Variants in AP4E1 observed in about 807,000 individuals in gnomAD.
The protein encoded by AP4E1 is adaptor related protein complex 4 subunit epsilon 1, also known as AP-4 complex subunit epsilon-1.
AP4E1 carries 56 observed loss-of-function variants against 128.2 expected under a neutral mutation model. The observed-to-expected ratio is 0.44, with a 90% CI of 0.35 to 0.55. The LOEUF (loss-of-function observed/expected upper bound fraction) is 0.55. Among genes scored for constraint, AP4E1 ranks in the 20% least tolerant of loss-of-function variants. The pLI is 0.00. For synonymous variants in AP4E1, 484 were observed against 473.1 expected (o/e 1.02, Z -0.30); for missense variants, 1,324 against 1,307.7 (o/e 1.01, Z -0.19).
chr15:50,915,744 T>C (rs2063622665), intron 3 of AP4E1, 173 bp downstream of exon 3: 1 of 763,448 alleles, frequency 1.3e-6, no homozygotes, highest in Admixed American at 2.9e-5. Flanking sequence ...GGAAATCAGT[T>C]TTCCTGATGC....
At position 50,993,536 on chromosome 15, in the gene AP4E1, G is replaced by T; in HGVS notation, c.2257G>T (p.Val753Phe). The change falls in exon 17 of 21, where the codon GTT becomes TTT. Residue 753 changes from valine (V) to phenylalanine (F), a missense_variant. Coordinates refer to ENST00000261842, the MANE Select transcript of AP4E1 (RefSeq NM_007347.5). Reference protein sequence around the residue: ...QAITKKDQSQVLTQSKEEKEK... With the variant: ...QAITKKDQSQFLTQSKEEKEK... ...TATAACTAAAAAGGATCAATCTCAAGTTCTTACCCAATCTAAAGAGGAGAA... is the reference window on the plus strand; with the variant it reads ...TATAACTAAAAAGGATCAATCTCAATTTCTTACCCAATCTAAAGAGGAGAA... 6.2e-7 allele frequency: 1 copy of T among 1,613,964 alleles called. No individual in the cohort carries two copies. Among genetic ancestry groups the T allele is most frequent in the Admixed American group, 1.7e-5 (1 of 60,000 alleles).
At chr15:50,983,616 G>A (rs2064672779) in intron 15 of AP4E1, among the ~76,000 whole-genome samples, 1 of 152,096 alleles carries the variant, frequency 6.6e-6, no homozygotes, top group Non-Finnish European at 1.5e-5. Context: ...CAATCCATTT[G>A]GTACGAGAAT....
At chr15:50,908,240 A>AGTCGCCAGGGCCGGAGCCGCGCGC (rs1197955852), upstream of AP4E1, among the ~76,000 whole-genome samples, 314 of 152,266 alleles carry the variant, frequency 2.1e-3, 2 homozygotes, top group African/African-American at 7.3e-3. Context: ...GTGTCCCAAG[A>AGTCGCCAGGGCCGGAGCCGCGCGC]GTCGCCAGGG....
Position 50,999,180 on chromosome 15 carries a change from G to C in AP4E1, c.3013G>C (p.Gly1005Arg). The C allele has an allele frequency of 6.2e-7, 1 of 1,613,602 alleles. No individual in the cohort carries two copies. Among genetic ancestry groups the C allele is most frequent in the Non-Finnish European group, 8.5e-7 (1 of 1,179,794 alleles). Residue 1005 changes from glycine to arginine, a missense_variant, in exon 19 of 21, where the codon GGT becomes CGT. Transcript: ENST00000261842. Reference protein sequence around the residue: ...EKPFTEGNLTGFISYHMMDTH... With the variant: ...EKPFTEGNLTRFISYHMMDTH... ...ACCTTTTACAGAAGGAAATCTTACT[G>C]GTTTTATTAGTTATCATATGATGGA... is the stretch of plus-strand genomic sequence containing the variant.
chr15:50,962,889 C>CAAAAAAAAAAAAA lies in AP4E1; in HGVS notation c.1851+4110_1851+4122dup, dbSNP rs71127168. On this transcript the variant is annotated intron_variant, in intron 14 of 20. Transcript: ENST00000261842. ...ATATATAAGGAACTCAATTCAACAG[C>CAAAAAAAAAAAAA]AAAAAAAAAAAAAAAAAAAAAAAAA... Among the ~76,000 whole-genome samples the CAAAAAAAAAAAAA allele has an allele frequency of 5.2e-4, 20 of 38,716 alleles. 2 individuals carry two copies. Among genetic ancestry groups the CAAAAAAAAAAAAA allele is most frequent in the African/African-American group, 2.2e-3 (19 of 8,726 alleles). The allele number at this position is 38,716 out of a possible 152,430, so 25.4% of individuals were successfully genotyped here. A position where few individuals can be genotyped will look rare whatever the true frequency, so the allele number is the denominator to read the frequency against.
chr15:50,993,330 GTTAT>G (rs1373166252), intron 16 of AP4E1, 36 bp from the exon 17 acceptor site: 1 of 1,610,268 alleles, frequency 6.2e-7, no homozygotes, highest in Non-Finnish European at 8.5e-7. Context: ...ACTATTAGCA[GTTAT>G]TTAAGTTGAC....
chr15:50,943,606 G>A (rs1018962524), intron 10 of AP4E1, among the ~76,000 whole-genome samples: 1 of 152,082 alleles, frequency 6.6e-6, no homozygotes. Context: ...TTGTATAGTT[G>A]AGTACTAAGT....
At chr15:50,943,345 T>C (rs911212135) in intron 10 of AP4E1, among the ~76,000 whole-genome samples, 1 of 152,180 alleles carries the variant, frequency 6.6e-6, no homozygotes, top group Non-Finnish European at 1.5e-5. Flanking sequence ...AACTATAATT[T>C]TTGAAGATTA....
At chr15:50,950,253 C>T (rs754436457) in intron 13 of AP4E1, 84 bp downstream of exon 13, 71 of 962,356 alleles carry the variant, frequency 7.4e-5, no homozygotes, top group East Asian at 2.9e-4. Context: ...AGAAACCATT[C>T]GCTTTACTCA....
chr15:50,965,231 T>C (rs2064376103), intron 14 of AP4E1, among the ~76,000 whole-genome samples: 1 of 152,146 alleles, frequency 6.6e-6, no homozygotes. Context: ...TGGCTTAGGC[T>C]GTGGTTGTTA....
In AP4E1 at chr15:51,001,198, A is replaced by G; in HGVS notation, c.3253+15A>G. The G allele has an allele frequency of 1.9e-6, 3 of 1,610,498 alleles. No individual in the cohort carries two copies. The highest frequency in any genetic ancestry group is 2.2e-5 in the East Asian group (1 of 44,742). ...TGAGATTATAGGTTTGTAGAGTTAT[A>G]AAAAGGCTATTCTGTGTTTATAGGA... On this transcript the variant is annotated intron_variant, in intron 20 of 20. Transcript: ENST00000261842.
chr15:51,001,292 T>G, intron 20 of AP4E1, 109 bp downstream of exon 20: 1 of 1,031,532 alleles, frequency 9.7e-7, no homozygotes, highest in South Asian at 1.5e-5. Context: ...TATTTCCTAT[T>G]ATGACTGTCT....
chr15:50,922,226 G>A (rs2063713324), intron 3 of AP4E1, among the ~76,000 whole-genome samples: 1 of 151,400 alleles, frequency 6.6e-6, no homozygotes, highest in Non-Finnish European at 1.5e-5. Flanking sequence ...CCAGCTACTT[G>A]GGAGGCTGAG....
intron 12 of AP4E1, 39 bp downstream of exon 12, chr15:50,949,977 A>C (rs1448568930): frequency 3.8e-6 from 6 of 1,591,042 alleles, no homozygotes; most frequent in African/African-American, 1.3e-5. Context: ...AAACATTTTA[A>C]AGTTTAATGT....
intron 6 of AP4E1, among the ~76,000 whole-genome samples, chr15:50,929,880 A>G (rs2063810956): frequency 6.6e-6 from 1 of 152,112 alleles, no homozygotes; most frequent in South Asian, 2.1e-4. Flanking sequence ...CCCTTCCAAA[A>G]AATTTTCCCT....
intron 16 of AP4E1, 89 bp downstream of exon 16, chr15:50,984,234 A>G (rs1215911833): frequency 3.5e-6 from 5 of 1,444,852 alleles, no homozygotes; most frequent in Non-Finnish European, 2.9e-6. Context: ...GCCTCATATC[A>G]TCATGGTCAT....
intron 15 of AP4E1, among the ~76,000 whole-genome samples, chr15:50,972,236 G>T (rs1226038544): frequency 6.6e-6 from 1 of 151,982 alleles, no homozygotes; most frequent in African/African-American, 2.4e-5. Flanking sequence ...TTTTGAGAAG[G>T]AGTCTCGCTC....
intron 10 of AP4E1, chr15:50,944,631 T>A: frequency 3.3e-6 from 1 of 305,166 alleles, no homozygotes; most frequent in Non-Finnish European, 6.0e-6. Context: ...AGCAAAGAGC[T>A]CGTGGAGTCC....
chr15:50,979,263 T>G (rs1398427624), intron 15 of AP4E1, among the ~76,000 whole-genome samples: 4 of 152,202 alleles, frequency 2.6e-5, no homozygotes, highest in African/African-American at 9.6e-5. Context: ...AAACCCGTAT[T>G]TAAATTTAAT....
Sources: allele counts gnomAD v4.1 joint callset (sites outside exome capture counted in the v4.1 genomes callset), GRCh38; gene constraint gnomAD v4.1.1; transcripts MANE v1.5; gene names NCBI Gene and HGNC (gene_info 2026-07-23, HGNC 2026-07-21).